CADM2: variants seen among roughly 807,000 people sequenced by gnomAD.
The protein encoded by CADM2 is cell adhesion molecule 2, also known as immunoglobulin superfamily member 4D.
A neutral mutation model predicts 49.8 loss-of-function variants in CADM2; 12 were observed. The observed-to-expected ratio is 0.24, with a 90% confidence interval of 0.15 to 0.39. The LOEUF (loss-of-function observed/expected upper bound fraction) is 0.39. CADM2 is among the 10% of genes least tolerant of loss of function. The probability of loss-of-function intolerance (pLI) is 1.00; values close to 1 mark genes in which losing one functional copy is unlikely to be tolerated. For synonymous variants in CADM2, 214 were observed against 175.4 expected (o/e 1.22, Z -1.74); for missense variants, 378 against 492.3 (o/e 0.77, Z 2.20).
intron 1 of CADM2, among the ~76,000 whole-genome samples, chr3:85,514,927 A>G (rs889214829): frequency 2.0e-5 from 3 of 152,136 alleles, no homozygotes; most frequent in African/African-American, 4.8e-5. Context: ...TTATTACCCT[A>G]TTCTATTAAT....
intron 3 of CADM2, among the ~76,000 whole-genome samples, chr3:85,817,322 G>A (rs2073271638): frequency 2.6e-5 from 4 of 152,196 alleles, no homozygotes; most frequent in African/African-American, 9.6e-5. Context: ...AAGAAGGGTA[G>A]TAGTTTAGAA....
intron 1 of CADM2, among the ~76,000 whole-genome samples, chr3:85,160,381 G>T (rs961862116): frequency 6.6e-6 from 1 of 151,958 alleles, no homozygotes; most frequent in Admixed American, 6.6e-5. Flanking sequence ...TTTCTTAAAA[G>T]AAACCAGTTT....
intron 5 of CADM2, among the ~76,000 whole-genome samples, chr3:85,895,766 C>A (rs1345654999): frequency 6.6e-6 from 1 of 152,070 alleles, no homozygotes; most frequent in Non-Finnish European, 1.5e-5. Flanking sequence ...AAGGGCAATT[C>A]CCCTGCACAC....
At chr3:85,063,273 T>A (rs2036403422) in intron 1 of CADM2, among the ~76,000 whole-genome samples, 1 of 152,028 alleles carries the variant, frequency 6.6e-6, no homozygotes, top group African/African-American at 2.4e-5. Context: ...AATGGAATCT[T>A]TTTAACTAAT....
chr3:85,677,217 A>G (rs62261695), intron 1 of CADM2, among the ~76,000 whole-genome samples: 2,455 of 151,798 alleles, frequency 0.016, 28 homozygotes, highest in South Asian at 0.028. Context: ...TACAGATTTT[A>G]GGATTAATTG....
At chr3:85,824,615 C>G (rs2073800456) in intron 3 of CADM2, among the ~76,000 whole-genome samples, 1 of 151,900 alleles carries the variant, frequency 6.6e-6, no homozygotes, top group African/African-American at 2.4e-5. Flanking sequence ...GTCTAAAGAG[C>G]ACATGGAAAG....
chr3:85,720,814 C>T (rs1259101370), intron 1 of CADM2, among the ~76,000 whole-genome samples: 1 of 152,086 alleles, frequency 6.6e-6, no homozygotes, highest in African/African-American at 2.4e-5. Context: ...AGTTATCTAG[C>T]CCTCTACAGC....
intron 1 of CADM2, among the ~76,000 whole-genome samples, chr3:85,051,875 G>A (rs1324004963): frequency 6.6e-6 from 1 of 152,112 alleles, no homozygotes. Flanking sequence ...GGATTGCTAG[G>A]ATGCAAACTC....
In CADM2 at chr3:85,773,333, G is replaced by A. The variant is rs75447143; in HGVS notation, c.89-28714G>A. 8.7e-3 allele frequency among the ~76,000 whole-genome samples: 1,322 copies of A among 152,000 alleles called. 29 individuals are homozygous for A. Among genetic ancestry groups the A allele is most frequent in the African/African-American group, 0.031 (1,276 of 41,498 alleles). ...TCACACTTAATGGAAGAGTAAGATG[G>A]GCAATGCAGACCAGCTGTAAAGATA... is the stretch of plus-strand genomic sequence containing the variant. On this transcript the variant is annotated intron_variant, in intron 2 of 9. Transcript: ENST00000383699.
intron 8 of CADM2, among the ~76,000 whole-genome samples, chr3:86,021,375 C>T (rs938687190): frequency 3.9e-5 from 6 of 152,090 alleles, no homozygotes; most frequent in Admixed American, 6.6e-5. Context: ...TGTTGCTTCC[C>T]GGAGGAATAT....
intron 2 of CADM2, among the ~76,000 whole-genome samples, chr3:85,769,595 TACAC>T (rs566737636): frequency 1.2e-4 from 11 of 89,566 alleles, no homozygotes; most frequent in South Asian, 3.9e-4. Context: ...ATATAGTATA[TACAC>T]ATATATACAT....
intron 1 of CADM2, among the ~76,000 whole-genome samples, chr3:85,234,197 C>T (rs2042361021): frequency 6.6e-6 from 1 of 152,092 alleles, no homozygotes; most frequent in Non-Finnish European, 1.5e-5. Flanking sequence ...TGATATTTAA[C>T]CACTATATCA....
chr3:85,515,719 C>T (rs924693681), intron 1 of CADM2, among the ~76,000 whole-genome samples: 4 of 150,666 alleles, frequency 2.7e-5, no homozygotes, highest in Non-Finnish European at 4.4e-5. Flanking sequence ...CCTCGTGGTC[C>T]GCCCACCTCA....
intron 5 of CADM2, among the ~76,000 whole-genome samples, chr3:85,904,097 C>T (rs1412729118): frequency 6.6e-6 from 1 of 152,144 alleles, no homozygotes; most frequent in East Asian, 1.9e-4. Flanking sequence ...TCCCCCAACT[C>T]TGTTCCAAAT....
rs56934991 is a variant in CADM2 at position 85,701,858 on chromosome 3, AAGATAGATAGATAGATAGAT to A, written c.62-24630_62-24611del. Among the ~76,000 whole-genome samples, 577 of 146,822 alleles carry A rather than the reference AAGATAGATAGATAGATAGAT, an allele frequency of 3.9e-3. 5 individuals carry two copies. Among genetic ancestry groups the A allele is most frequent in the Middle Eastern group, 0.021 (6 of 282 alleles). On this transcript the variant is annotated intron_variant, in intron 1 of 9. Transcript: ENST00000383699. ...AAATTGGTAAATGTGTCTGTTGTAA[AAGATAGATAGATAGATAGAT>A]AGATAGATAGATAGATAGATAGATA...
chr3:84,975,539 A>G (rs537942296), intron 1 of CADM2, among the ~76,000 whole-genome samples: 5 of 151,968 alleles, frequency 3.3e-5, no homozygotes, highest in African/African-American at 1.2e-4. Context: ...AGTTTTAACC[A>G]AATACCTCCT....
At chr3:85,814,601 A>G (rs1056280946) in intron 3 of CADM2, among the ~76,000 whole-genome samples, 19 of 152,126 alleles carry the variant, frequency 1.2e-4, no homozygotes, top group Admixed American at 4.6e-4. Context: ...TGAAATGATC[A>G]ACAAAACAGA....
chr3:85,307,491 C>G (rs1002518706), intron 1 of CADM2, among the ~76,000 whole-genome samples: 4 of 151,742 alleles, frequency 2.6e-5, no homozygotes, highest in Non-Finnish European at 4.4e-5. Context: ...ATTTTAATCT[C>G]TATAAATGAA....
chr3:85,134,545 A>G (rs2039356626), intron 1 of CADM2, among the ~76,000 whole-genome samples: 1 of 152,242 alleles, frequency 6.6e-6, no homozygotes, highest in Non-Finnish European at 1.5e-5. Context: ...TTGTAATTTT[A>G]GCAGAGTTGG....
Sources: allele counts gnomAD v4.1 joint callset (sites outside exome capture counted in the v4.1 genomes callset), GRCh38; gene constraint gnomAD v4.1.1; transcripts MANE v1.5; gene names NCBI Gene and HGNC (gene_info 2026-07-23, HGNC 2026-07-21).